The following CTNNBIP1 variants were observed in gnomAD, a reference collection of about 807,000 sequenced individuals.
The protein encoded by CTNNBIP1 is catenin beta interacting protein 1, also known as beta-catenin-interacting protein 1.
CTNNBIP1 carries 7 observed loss-of-function variants against 11.8 expected under a neutral mutation model. The observed-to-expected ratio is 0.60, with a 90% CI of 0.34 to 1.12. The LOEUF is 1.12. Ranked by LOEUF, CTNNBIP1 falls within the 50% of genes most tolerant of loss-of-function variation. CTNNBIP1 has a pLI of 0.03. For synonymous variants in CTNNBIP1, 58 were observed against 43.9 expected, an observed-to-expected ratio of 1.32 and a Z score of -1.26; for missense variants, 101 against 113.4, an observed-to-expected ratio of 0.89 and a Z score of 0.50.
chr1:9,877,721 C>T (rs1639000852), intron 3 of CTNNBIP1, among the ~76,000 whole-genome samples, 184 bp downstream of exon 3: 1 of 151,992 alleles, frequency 6.6e-6, no homozygotes, highest in Non-Finnish European at 1.5e-5. Flanking sequence ...CAGCAGCACC[C>T]TAACATTCTC....
rs930116057 is a variant in CTNNBIP1, at chr1:9,849,209, C to G, written c.*1509G>C. The G allele has an allele frequency of 3.3e-5, 5 of 152,446 alleles. No homozygotes were observed. The highest frequency in any genetic ancestry group is 2.0e-4 in the Admixed American group (3 of 15,286). 9.4% of individuals were successfully genotyped at this position (152,446 alleles called of 1,614,324 possible). A position where few individuals can be genotyped will look rare whatever the true frequency, so the allele number is the denominator to read the frequency against. ...AGGACTTAGGTTTGGTGCAGGAACACTAGACCTGCCCCTCACCCCCTGCCT... is the reference window on the plus strand; with the variant it reads ...AGGACTTAGGTTTGGTGCAGGAACAGTAGACCTGCCCCTCACCCCCTGCCT... On this transcript the variant is annotated 3_prime_UTR_variant, in exon 6 of 6. Transcript: ENST00000377263.
At chr1:9,874,402 A>G (rs1359061790) in intron 3 of CTNNBIP1, among the ~76,000 whole-genome samples, 1 of 152,176 alleles carries the variant, frequency 6.6e-6, no homozygotes, top group African/African-American at 2.4e-5. Flanking sequence ...CCACAGAAGC[A>G]TGCCACAACA....
intron 1 of CTNNBIP1, among the ~76,000 whole-genome samples, chr1:9,897,759 C>T (rs984824883): frequency 5.3e-5 from 8 of 151,614 alleles, no homozygotes; most frequent in African/African-American, 1.5e-4. Flanking sequence ...GGTTGCAGTG[C>T]GCTGAGATCG....
intron 1 of CTNNBIP1, among the ~76,000 whole-genome samples, chr1:9,885,677 C>T (rs1639173804): frequency 6.6e-6 from 1 of 151,504 alleles, no homozygotes; most frequent in Non-Finnish European, 1.5e-5. Context: ...GGTGCGGTGG[C>T]TCAGACCTGT....
chr1:9,903,390 A>T (rs1639559036), intron 1 of CTNNBIP1, among the ~76,000 whole-genome samples: 1 of 152,194 alleles, frequency 6.6e-6, no homozygotes, highest in Non-Finnish European at 1.5e-5. Flanking sequence ...CACAACCATG[A>T]AAAATGGAGC....
chr1:9,904,163 AG>A lies in CTNNBIP1; in HGVS notation c.-144+5931del, dbSNP rs373884788. Among the ~76,000 whole-genome samples the A allele has an allele frequency of 4.8e-4, 73 of 152,312 alleles. 1 individual carries two copies. In the East Asian group the frequency reaches 0.014, roughly 29 times the overall value. ...AAAAGCTTGCACCCACTCTGCGTTT[AG>A]TTTTTACAAATCTACAGATGACATA... On this transcript the variant is annotated intron_variant, in intron 1 of 5. Coordinates refer to ENST00000377263, the MANE Select transcript of CTNNBIP1 (RefSeq NM_020248.3).
chr1:9,866,403 T>A (rs964597672), intron 5 of CTNNBIP1, among the ~76,000 whole-genome samples: 1 of 151,988 alleles, frequency 6.6e-6, no homozygotes, highest in Admixed American at 6.6e-5. Flanking sequence ...TGATTTTAAG[T>A]TGGGTGGAGG....
intron 1 of CTNNBIP1, among the ~76,000 whole-genome samples, chr1:9,902,411 C>CA (rs1279711624): frequency 6.6e-6 from 1 of 152,212 alleles, no homozygotes; most frequent in East Asian, 1.9e-4. Flanking sequence ...AGTTAACAGT[C>CA]AAAGGGTTAA....
intron 5 of CTNNBIP1, among the ~76,000 whole-genome samples, chr1:9,860,428 T>TAAAA (rs58165059): frequency 8.8e-5 from 4 of 45,544 alleles, no homozygotes; most frequent in African/African-American, 1.5e-4. Flanking sequence ...CCGTCTCTAC[T>TAAAA]AAAAAAAAAA....
At chr1:9,906,060 T>C (rs559459042) in intron 1 of CTNNBIP1, among the ~76,000 whole-genome samples, 2 of 152,326 alleles carry the variant, frequency 1.3e-5, no homozygotes, top group Admixed American at 1.3e-4. Flanking sequence ...ATATACCAAG[T>C]GCTAGGTGGT....
At chr1:9,909,580 G>T (rs1639690296) in intron 1 of CTNNBIP1, among the ~76,000 whole-genome samples, 1 of 152,144 alleles carries the variant, frequency 6.6e-6, no homozygotes, top group Non-Finnish European at 1.5e-5. Flanking sequence ...TTGCAGGTTC[G>T]TGCATACACG....
rs1291803117 is a variant in CTNNBIP1, at chr1:9,901,886, C to T, written c.-144+8209G>A. Among the ~76,000 whole-genome samples, 4 of 152,180 alleles carry T rather than the reference C, an allele frequency of 2.6e-5. No individual in the cohort carries two copies. In the East Asian group the frequency reaches 5.8e-4, roughly 22 times the overall value. On this transcript the variant is annotated intron_variant, in intron 1 of 5. Coordinates refer to ENST00000377263, the MANE Select transcript of CTNNBIP1 (RefSeq NM_020248.3). ...TGACAAGGGCTGGTGAAAATAACAT[C>T]GCACAAGGATATGCCTCGCTGTCCT...
At chr1:9,879,112 G>C (rs954987993) in intron 2 of CTNNBIP1, among the ~76,000 whole-genome samples, 1 of 152,040 alleles carries the variant, frequency 6.6e-6, no homozygotes, top group Non-Finnish European at 1.5e-5. Flanking sequence ...CAGGAGAATC[G>C]GTTGAACCTG....
At chr1:9,908,134 C>G (rs2101554376) in intron 1 of CTNNBIP1, among the ~76,000 whole-genome samples, 1 of 152,308 alleles carries the variant, frequency 6.6e-6, no homozygotes, top group Middle Eastern at 3.4e-3. Context: ...TCTCGGCTCA[C>G]CGCAACCTCC....
chr1:9,882,855 C>T (rs1234765302), intron 2 of CTNNBIP1, among the ~76,000 whole-genome samples: 1 of 152,196 alleles, frequency 6.6e-6, no homozygotes, highest in Non-Finnish European at 1.5e-5. Context: ...CACAAGTGCA[C>T]GTGCCCTTGG....
At position 9,871,414 on chromosome 1, in the gene CTNNBIP1, C is replaced by A; in HGVS notation, c.97-137G>T. 1.4e-6 allele frequency: 1 copy of A among 707,136 alleles called. No homozygotes were observed. Among genetic ancestry groups the A allele is most frequent in the Non-Finnish European group, 2.4e-6 (1 of 408,414 alleles). The allele number at this position is 707,136 out of a possible 1,614,324, so 43.8% of individuals were successfully genotyped here. The stretch of plus-strand genomic sequence containing the variant: ...CGGGCTTCTGTTTCTGAGATTTGAC[C>A]CCTTTGCTTTCAGGGCCAGCCCACC... On this transcript the variant is annotated intron_variant, in intron 4 of 5. Coordinates refer to ENST00000377263, the MANE Select transcript of CTNNBIP1 (RefSeq NM_020248.3). This position sits in a 1 kb window ranked among gnomAD's most constrained non-coding sequence, Gnocchi z 5.2.
chr1:9,904,046 GAC>G (rs1214327271), intron 1 of CTNNBIP1, among the ~76,000 whole-genome samples: 1 of 152,174 alleles, frequency 6.6e-6, no homozygotes, highest in Non-Finnish European at 1.5e-5. Context: ...GATGAAATGA[GAC>G]AGTGTATGTA....
rs1638878917 is a variant in CTNNBIP1, at chr1:9,872,265, C to T, written c.-24-177G>A. ...GTTCCTTTCTCACCCATGCTGGTCC[C>T]AGCAGGCTGAACTGAGCAGCTCTGT... On this transcript the variant is annotated intron_variant, in intron 3 of 5. Coordinates refer to ENST00000377263, the MANE Select transcript of CTNNBIP1 (RefSeq NM_020248.3). The surrounding 1 kb of genome is among the most constrained non-coding windows in gnomAD (Gnocchi z 4.0). 6.6e-6 allele frequency among the ~76,000 whole-genome samples: 1 copy of T among 152,248 alleles called. No homozygotes were observed. The highest frequency in any genetic ancestry group is 1.5e-5 in the Non-Finnish European group (1 of 68,046).
Position 9,877,897 on chromosome 1 carries a change from G to A in CTNNBIP1, c.-25+8C>T, listed in dbSNP as rs1453473938. The A allele has an allele frequency of 6.5e-6, 1 of 152,774 alleles. No homozygotes were observed. The highest frequency in any genetic ancestry group is 1.5e-5 in the Non-Finnish European group (1 of 68,158). The allele number at this position is 152,774 out of a possible 1,614,324, so 9.5% of individuals were successfully genotyped here. A position where few individuals can be genotyped will look rare whatever the true frequency, so the allele number is the denominator to read the frequency against. On this transcript the variant is annotated splice_region_variant and intron_variant, in intron 3 of 5. Transcript: ENST00000377263. ...CACATTACAGAGTCCTTCCCCTGGG[G>A]GCCTTACCTGCTTCTGGAAATTAAC...
Sources: allele counts gnomAD v4.1 joint callset (sites outside exome capture counted in the v4.1 genomes callset), GRCh38; gene constraint gnomAD v4.1.1; non-coding constraint Gnocchi (gnomAD v3.1); transcripts MANE v1.5; gene names NCBI Gene and HGNC (gene_info 2026-07-23, HGNC 2026-07-21).